Variants in OSMR observed in about 807,000 individuals in gnomAD.
The protein encoded by OSMR is oncostatin M receptor.
A neutral mutation model predicts 99.9 loss-of-function variants in OSMR; 81 were observed. That is an observed-to-expected ratio of 0.81 (90% CI 0.68 to 0.97). The LOEUF is 0.97. Ranked by LOEUF, OSMR falls within the 50% of genes least tolerant of loss-of-function variation. The pLI is 0.00. For missense variants in OSMR, 1,099 were observed against 1,153.4 expected (o/e 0.95, Z 0.68); for synonymous variants, 406 against 410.4 (o/e 0.99, Z 0.13).
rs144413561 is a variant in OSMR at position 38,913,787 on chromosome 5, G to C, written c.1286-3759G>C. ...AGCTTCTGTAGCAGTCAGCACCACT[G>C]TCCTGCTAGACCTTCTGTAAGTATT... On this transcript the variant is annotated intron_variant, in intron 9 of 17. Coordinates refer to ENST00000274276, the MANE Select transcript of OSMR (RefSeq NM_003999.3). 3.3e-3 allele frequency among the ~76,000 whole-genome samples: 499 copies of C among 152,298 alleles called. 5 individuals carry two copies. The highest frequency in any genetic ancestry group is 0.011 in the African/African-American group (462 of 41,560).
Position 38,904,009 on chromosome 5 carries a change from A to G in OSMR, c.1119A>G (p.Glu373=), listed in dbSNP as rs749404777. 7 of 1,614,150 alleles carry G rather than the reference A, an allele frequency of 4.3e-6. No individual in the cohort carries two copies. In the African/African-American group the frequency reaches 6.7e-5, roughly 15 times the overall value. The change falls in exon 8 of 18, where the codon GAA becomes GAG. Residue 373 remains glutamate (E), a synonymous_variant. Coordinates refer to ENST00000274276, the MANE Select transcript of OSMR (RefSeq NM_003999.3). ...TGTGTCAGATTGAACTCCATGGTGA[A>G]GGAAAAATGATGCAAGTAAGAACCC... ...TYLCQIELHG[E]GKMMQYNVSI...
intron 15 of OSMR, among the ~76,000 whole-genome samples, chr5:38,927,315 C>G (rs1253475714): frequency 6.6e-6 from 1 of 152,236 alleles, no homozygotes. Flanking sequence ...CCCCATATTT[C>G]CCTTCCACAC....
chr5:38,928,139 A>C (rs1012946849), intron 15 of OSMR, among the ~76,000 whole-genome samples: 1 of 151,414 alleles, frequency 6.6e-6, no homozygotes, highest in Non-Finnish European at 1.5e-5. Flanking sequence ...GGAAGTTCCA[A>C]ACTTTCCAAC....
In OSMR at chr5:38,904,517, C is replaced by T; in HGVS notation, c.1285+14C>T. ...CACTTGAAGCTGGTATGTTCAGCCC[C>T]TGGCATTTAACCCAAAGAAGTAGGT... On this transcript the variant is annotated intron_variant, in intron 9 of 17. Transcript: ENST00000274276. 6.2e-7 allele frequency: 1 copy of T among 1,614,124 alleles called. No homozygotes were observed. The highest frequency in any genetic ancestry group is 8.5e-7 in the Non-Finnish European group (1 of 1,180,018).
intron 9 of OSMR, among the ~76,000 whole-genome samples, chr5:38,907,250 T>C (rs1381359839): frequency 6.6e-6 from 1 of 152,144 alleles, no homozygotes. Flanking sequence ...CCCCAGCAAC[T>C]CCTGGGGAAG....
chr5:38,846,684 G>A (rs1294044069), intron 1 of OSMR, among the ~76,000 whole-genome samples: 1 of 152,178 alleles, frequency 6.6e-6, no homozygotes, highest in Non-Finnish European at 1.5e-5. Context: ...AGCGGGAGGA[G>A]CTCAAGCACA....
chr5:38,876,447 T>C, intron 3 of OSMR, 74 bp downstream of exon 3: 1 of 1,238,412 alleles, frequency 8.1e-7, no homozygotes, highest in Non-Finnish European at 1.2e-6. Flanking sequence ...TTTTATAACA[T>C]CTGAAAAATT....
At position 38,921,253 on chromosome 5, in the gene OSMR, C is replaced by T. The variant is rs115502539; in HGVS notation, c.1586-362C>T. Among the ~76,000 whole-genome samples, 181 of 152,164 alleles carry T rather than the reference C, an allele frequency of 1.2e-3. 1 individual carries two copies. Among genetic ancestry groups the T allele is most frequent in the African/African-American group, 4.2e-3 (173 of 41,532 alleles). ...CTTTGTTGGTTTATTTTTATTTTTA[C>T]AACCCTTAAAATGTCTTAGAACCAT... On this transcript the variant is annotated intron_variant, in intron 11 of 17. Coordinates refer to ENST00000274276, the MANE Select transcript of OSMR (RefSeq NM_003999.3).
chr5:38,858,625 C>A (rs1023731878), intron 1 of OSMR, among the ~76,000 whole-genome samples: 2 of 152,094 alleles, frequency 1.3e-5, no homozygotes, highest in Admixed American at 1.3e-4. Context: ...GAATAAATAC[C>A]TAATAGTGGG....
intron 7 of OSMR, among the ~76,000 whole-genome samples, chr5:38,893,485 T>C (rs1395993514): frequency 6.6e-6 from 1 of 152,152 alleles, no homozygotes; most frequent in Non-Finnish European, 1.5e-5. Flanking sequence ...TGAAAAGAAA[T>C]CAATTAGAAC....
intron 9 of OSMR, among the ~76,000 whole-genome samples, chr5:38,907,828 G>T (rs1288937030): frequency 6.6e-6 from 1 of 152,160 alleles, no homozygotes; most frequent in Non-Finnish European, 1.5e-5. Context: ...CCACCACTTT[G>T]CCAGTGCACA....
rs1746914426 is a variant in OSMR at position 38,934,225 on chromosome 5, TA to T, written c.*782del. ...CTACCTCAGAACATAAAAAGGAACG[TA>T]TATCACATAATTCCAGTCACAGTTT... On this transcript the variant is annotated 3_prime_UTR_variant, in exon 18 of 18. Transcript: ENST00000274276. 1 of 152,638 alleles carries T rather than the reference TA, an allele frequency of 6.6e-6. No individual in the cohort carries two copies. Among genetic ancestry groups the T allele is most frequent in the Admixed American group, 6.5e-5 (1 of 15,278 alleles). 9.5% of individuals were successfully genotyped at this position (152,638 alleles called of 1,614,324 possible). A position where few individuals can be genotyped will look rare whatever the true frequency, so the allele number is the denominator to read the frequency against.
At chr5:38,907,058 CAGGCAAGAGAAACA>C (rs1745285964) in intron 9 of OSMR, among the ~76,000 whole-genome samples, 1 of 152,174 alleles carries the variant, frequency 6.6e-6, no homozygotes, top group Non-Finnish European at 1.5e-5. Flanking sequence ...CCAGAGGAAT[CAGGCAAGAGAAACA>C]CATCCCAAAA....
chr5:38,932,957 T>G lies in OSMR; in HGVS notation c.2453T>G (p.Ile818Arg). Residue 818 changes from isoleucine to arginine, a missense_variant, in exon 18 of 18, where the codon ATA (isoleucine) becomes AGA (arginine). Physicochemically the swap from Ile to Arg is moderately conservative, Grantham distance 97. Transcript: ENST00000274276. ...EVVSKPEGTKIQFLGTRKSLT... is the reference protein window; with the variant it reads ...EVVSKPEGTKRQFLGTRKSLT... ...GTAAGCAAGCCAGAAGGGACAAAGA[T>G]ACAGTTCCTAGGCACTAGGAAGTCA... The G allele has an allele frequency of 6.2e-7, 1 of 1,614,186 alleles. No individual in the cohort carries two copies. Among genetic ancestry groups the G allele is most frequent in the Non-Finnish European group, 8.5e-7 (1 of 1,180,016 alleles).
intron 2 of OSMR, chr5:38,944,945 G>C: frequency 6.2e-7 from 1 of 1,613,988 alleles, no homozygotes; most frequent in Non-Finnish European, 8.5e-7. Context: ...GGTGCTGCTA[G>C]CTGAGCCTTC....
intron 10 of OSMR, among the ~76,000 whole-genome samples, chr5:38,918,317 C>T (rs1156311229): frequency 2.0e-5 from 3 of 151,984 alleles, no homozygotes; most frequent in African/African-American, 7.3e-5. Flanking sequence ...AGGAACAGAC[C>T]CCAGAAGTGG....
downstream of OSMR, among the ~76,000 whole-genome samples, chr5:38,936,475 A>C (rs931612544): frequency 2.0e-5 from 3 of 152,110 alleles, no homozygotes; most frequent in Non-Finnish European, 4.4e-5. Flanking sequence ...GTGTGGGGGA[A>C]CTCGACAATT....
At chr5:38,886,381 A>C in intron 7 of OSMR, 191 bp downstream of exon 7, 1 of 1,409,072 alleles carries the variant, frequency 7.1e-7, no homozygotes, top group Non-Finnish European at 9.2e-7. Flanking sequence ...GTTTCTTTTA[A>C]TAATGTCACG....
chr5:38,906,011 T>A (rs1184481901), intron 9 of OSMR, among the ~76,000 whole-genome samples: 14 of 152,128 alleles, frequency 9.2e-5, no homozygotes, highest in Non-Finnish European at 1.5e-5. Context: ...CCTGGTGGTG[T>A]CTGCCTATCC....
Sources: allele counts gnomAD v4.1 joint callset (sites outside exome capture counted in the v4.1 genomes callset), GRCh38; gene constraint gnomAD v4.1.1; transcripts MANE v1.5; gene names NCBI Gene and HGNC (gene_info 2026-07-23, HGNC 2026-07-21).